The following PTPRG variants were observed in gnomAD, a reference collection of about 807,000 sequenced individuals.
The protein encoded by PTPRG is receptor-type tyrosine-protein phosphatase gamma.
PTPRG carries 102 observed loss-of-function variants against 165.3 expected under a neutral mutation model. That is an observed-to-expected ratio of 0.62 (90% CI 0.53 to 0.73). The LOEUF is 0.73. Among genes scored for constraint, PTPRG ranks in the 30% least tolerant of loss-of-function variants. PTPRG has a pLI of 0.00. For synonymous variants in PTPRG, 675 were observed against 669.5 expected (o/e 1.01, Z -0.13); for missense variants, 1,866 against 1,861.4 (o/e 1.00, Z -0.05).
chr3:61,926,609 CTCCT>C (rs1190200426), intron 2 of PTPRG, among the ~76,000 whole-genome samples: 104 of 94,806 alleles, frequency 1.1e-3, no homozygotes, highest in Admixed American at 3.7e-3. Flanking sequence ...CCCTCCCTCC[CTCCT>C]TCCTTCCTTC....
At chr3:61,797,577 C>T (rs1464978717) in intron 2 of PTPRG, among the ~76,000 whole-genome samples, 2 of 81,256 alleles carry the variant, frequency 2.5e-5, no homozygotes, top group African/African-American at 1.1e-4. Flanking sequence ...TCATTTATCT[C>T]CACACCCCCC....
At chr3:62,156,680 T>C (rs372818749) in intron 6 of PTPRG, among the ~76,000 whole-genome samples, 1 of 152,192 alleles carries the variant, frequency 6.6e-6, no homozygotes, top group East Asian at 1.9e-4. Flanking sequence ...AAGAGTTCTA[T>C]GATGAAACAA....
chr3:62,195,830 G>A lies in PTPRG; in HGVS notation c.1327+660G>A, dbSNP rs59040931. Among the ~76,000 whole-genome samples, 16,480 of 152,074 alleles carry A rather than the reference G, an allele frequency of 0.11. 1,087 individuals carry two copies. Among genetic ancestry groups the A allele is most frequent in the East Asian group, 0.34 (1,754 of 5,114 alleles). The stretch of plus-strand genomic sequence containing the variant: ...TTGTTTTGAGATGAAGTCTCGCTCT[G>A]TTGCCCAAGCTGGAGTGCAGTGGGG... On this transcript the variant is annotated intron_variant, in intron 10 of 29. Coordinates refer to ENST00000474889, the MANE Select transcript of PTPRG (RefSeq NM_002841.4). The surrounding 1 kb of genome is among the most constrained non-coding windows in gnomAD (Gnocchi z 4.4).
intron 2 of PTPRG, among the ~76,000 whole-genome samples, chr3:61,881,277 T>C (rs1429458250): frequency 6.6e-6 from 1 of 152,188 alleles, no homozygotes; most frequent in Non-Finnish European, 1.5e-5. Flanking sequence ...GCATGACTGT[T>C]TTACTATTGG....
chr3:61,565,043 T>G (rs1339350493), intron 1 of PTPRG, among the ~76,000 whole-genome samples: 1 of 152,196 alleles, frequency 6.6e-6, no homozygotes, highest in Non-Finnish European at 1.5e-5. Flanking sequence ...CAAAATCCCT[T>G]TTTATTTAGT....
At chr3:62,128,145 G>C (rs1703383400) in intron 5 of PTPRG, among the ~76,000 whole-genome samples, 1 of 152,160 alleles carries the variant, frequency 6.6e-6, no homozygotes, top group Admixed American at 6.5e-5. Flanking sequence ...TCTTTTTGAA[G>C]ATGACTAATG....
At chr3:62,033,361 ATTTTTTT>A (rs199968064) in intron 4 of PTPRG, among the ~76,000 whole-genome samples, 2 of 124,334 alleles carry the variant, frequency 1.6e-5, no homozygotes, top group Admixed American at 8.1e-5. Context: ...CTCCCTATAC[ATTTTTTT>A]TTTTTTTTTT....
intron 7 of PTPRG, among the ~76,000 whole-genome samples, chr3:62,165,186 C>A (rs911286325): frequency 6.6e-6 from 1 of 152,198 alleles, no homozygotes; most frequent in Non-Finnish European, 1.5e-5. Flanking sequence ...TCAGGCTAAC[C>A]AATTCCACTT....
intron 4 of PTPRG, among the ~76,000 whole-genome samples, chr3:62,049,594 A>G (rs1296727073): frequency 2.0e-5 from 3 of 152,118 alleles, no homozygotes; most frequent in Non-Finnish European, 4.4e-5. Flanking sequence ...GAATGGCTAG[A>G]TAAGTCGCAA....
chr3:61,678,631 G>A (rs1006268306), intron 1 of PTPRG, among the ~76,000 whole-genome samples: 2 of 152,106 alleles, frequency 1.3e-5, no homozygotes, highest in Non-Finnish European at 2.9e-5. Context: ...AGAGATCAAC[G>A]TGAATTTCCC....
At chr3:62,202,273 T>C (rs1700111634) in intron 11 of PTPRG, among the ~76,000 whole-genome samples, 1 of 152,178 alleles carries the variant, frequency 6.6e-6, no homozygotes, top group Non-Finnish European at 1.5e-5. Flanking sequence ...CAGTTTAGTA[T>C]GGTGGTAAGA....
chr3:61,733,531 C>G (rs981013363), intron 1 of PTPRG, among the ~76,000 whole-genome samples: 1 of 152,170 alleles, frequency 6.6e-6, no homozygotes, highest in African/African-American at 2.4e-5. Context: ...CACAGTGCCT[C>G]CTGGTACATG....
intron 4 of PTPRG, among the ~76,000 whole-genome samples, chr3:62,012,049 C>T (rs923569658): frequency 1.3e-5 from 2 of 152,070 alleles, no homozygotes; most frequent in African/African-American, 2.4e-5. Context: ...AGGGTAGTGG[C>T]GGTTGTGGTT....
chr3:61,648,318 C>T (rs755602528), intron 1 of PTPRG, among the ~76,000 whole-genome samples: 5 of 152,226 alleles, frequency 3.3e-5, no homozygotes, highest in Non-Finnish European at 7.3e-5. Context: ...CACCTAACTT[C>T]TGCGGATTCC....
intron 6 of PTPRG, among the ~76,000 whole-genome samples, chr3:62,152,547 T>C (rs549214948): frequency 2.6e-4 from 40 of 152,276 alleles, no homozygotes; most frequent in Non-Finnish European, 5.9e-4. Flanking sequence ...TCTAAAATTG[T>C]TTCTAATTTG....
intron 2 of PTPRG, among the ~76,000 whole-genome samples, chr3:61,932,591 G>A (rs1291071947): frequency 1.3e-5 from 2 of 152,268 alleles, no homozygotes; most frequent in African/African-American, 4.8e-5. Context: ...CATTATCACA[G>A]CAAGTCTTCA....
At chr3:61,627,848 C>T (rs1313629567) in intron 1 of PTPRG, among the ~76,000 whole-genome samples, 1 of 152,116 alleles carries the variant, frequency 6.6e-6, no homozygotes, top group African/African-American at 2.4e-5. Flanking sequence ...AATCTATTCT[C>T]TTGTGTCCTA....
chr3:62,187,668 C>T (rs1482770062), intron 8 of PTPRG, among the ~76,000 whole-genome samples: 2 of 152,170 alleles, frequency 1.3e-5, no homozygotes, highest in Admixed American at 1.3e-4. Flanking sequence ...AAATGTTTGC[C>T]ATCCTCTATT....
At chr3:62,069,062 A>G (rs1356894625) in intron 4 of PTPRG, among the ~76,000 whole-genome samples, 1 of 152,166 alleles carries the variant, frequency 6.6e-6, no homozygotes, top group African/African-American at 2.4e-5. Flanking sequence ...CTGTGGCATG[A>G]CTTCTTGGGA....
Sources: allele counts gnomAD v4.1 joint callset (sites outside exome capture counted in the v4.1 genomes callset), GRCh38; gene constraint gnomAD v4.1.1; non-coding constraint Gnocchi (gnomAD v3.1); transcripts MANE v1.5; gene names NCBI Gene and HGNC (gene_info 2026-07-23, HGNC 2026-07-21).